Variants in SPOCK3 observed in about 807,000 individuals in gnomAD.
The protein encoded by SPOCK3 is SPARC (osteonectin), cwcv and kazal like domains proteoglycan 3, also known as testican-3.
SPOCK3 carries 30 observed loss-of-function variants against 56.6 expected under a neutral mutation model. The ratio of observed to expected loss-of-function variants is 0.53; its 90% confidence interval spans 0.40 to 0.72. The LOEUF (loss-of-function observed/expected upper bound fraction) is 0.72. Among genes scored for constraint, SPOCK3 ranks in the 30% least tolerant of loss-of-function variants. The pLI is 0.00. For synonymous variants in SPOCK3, 196 were observed against 183.3 expected (o/e 1.07, Z -0.56); for missense variants, 527 against 530.0 (o/e 0.99, Z 0.06).
chr4:166,866,949 C>T (rs775001434), intron 6 of SPOCK3, among the ~76,000 whole-genome samples: 2 of 152,008 alleles, frequency 1.3e-5, no homozygotes, highest in Non-Finnish European at 2.9e-5. Flanking sequence ...ATTTATCGTA[C>T]ACAAAACTGA....
intron 10 of SPOCK3, 104 bp from the exon 11 acceptor site, chr4:166,735,194 T>C: frequency 2.8e-6 from 2 of 718,562 alleles, no homozygotes. Flanking sequence ...TAGAAAGTAA[T>C]TTGTTTTCTA....
chr4:167,203,095 C>T (rs921672427), intron 2 of SPOCK3, among the ~76,000 whole-genome samples: 1 of 151,744 alleles, frequency 6.6e-6, no homozygotes, highest in Non-Finnish European at 1.5e-5. Context: ...CTTGACACTC[C>T]AAAATTCTTT....
chr4:167,072,638 C>T (rs1023171168), intron 2 of SPOCK3, among the ~76,000 whole-genome samples: 1 of 151,866 alleles, frequency 6.6e-6, no homozygotes, highest in African/African-American at 2.4e-5. Flanking sequence ...TAATTCTATT[C>T]TCAAATCTTA....
intron 9 of SPOCK3, 80 bp from the exon 10 acceptor site, chr4:166,737,684 T>C: frequency 1.4e-6 from 2 of 1,458,598 alleles, no homozygotes; most frequent in Non-Finnish European, 9.2e-7. Context: ...GAAGCACCCA[T>C]TATGCATTAA....
chr4:167,105,530 G>A (rs1760043106), intron 2 of SPOCK3, among the ~76,000 whole-genome samples: 2 of 135,434 alleles, frequency 1.5e-5, no homozygotes, highest in South Asian at 2.3e-4. Flanking sequence ...AAGATAGGAA[G>A]GAAGAAACCA....
Position 167,205,334 on chromosome 4 carries a change from T to A in SPOCK3, c.189+28651A>T, listed in dbSNP as rs1395259678. Among the ~76,000 whole-genome samples, 185 of 45,740 alleles carry A rather than the reference T, an allele frequency of 4.0e-3. 1 individual carries two copies. The highest frequency in any genetic ancestry group is 6.4e-3 in the African/African-American group (64 of 9,984). 30.0% of individuals were successfully genotyped at this position (45,740 alleles called of 152,430 possible). On this transcript the variant is annotated intron_variant, in intron 2 of 10. Transcript: ENST00000357545. ...ATATATTTTATATATATAATATATATTATATATTATATATATAATATATAT... is the reference window on the plus strand; with the variant it reads ...ATATATTTTATATATATAATATATAATATATATTATATATATAATATATAT...
intron 6 of SPOCK3, among the ~76,000 whole-genome samples, chr4:166,873,196 G>A (rs1359798285): frequency 6.7e-6 from 1 of 149,432 alleles, no homozygotes; most frequent in African/African-American, 2.5e-5. Context: ...AAAGAAGAGT[G>A]ATGAAGAAGT....
At position 167,116,586 on chromosome 4, in the gene SPOCK3, GTATA is replaced by G. The variant is rs1275276860; in HGVS notation, c.190-54053_190-54050del. Among the ~76,000 whole-genome samples the G allele has an allele frequency of 2.4e-5, 3 of 126,638 alleles. No individual in the cohort carries two copies. In the South Asian group the frequency reaches 7.3e-4, roughly 31 times the overall value. The allele number at this position is 126,638 out of a possible 152,430, so 83.1% of individuals were successfully genotyped here. ...TATACTTTTATACATATATAGTTTT[GTATA>G]TATATACATATATACTATATACGTA... On this transcript the variant is annotated intron_variant, in intron 2 of 10. Coordinates refer to ENST00000357545, the MANE Select transcript of SPOCK3 (RefSeq NM_001040159.2).
chr4:166,755,808 AG>A, intron 7 of SPOCK3, among the ~76,000 whole-genome samples: 1 of 96,778 alleles, frequency 1.0e-5, no homozygotes, highest in East Asian at 2.3e-4. Context: ...CTATTTTGAT[AG>A]TTTTTTTTCT....
chr4:166,808,863 G>A (rs770195044), intron 6 of SPOCK3, among the ~76,000 whole-genome samples: 35 of 152,134 alleles, frequency 2.3e-4, no homozygotes, highest in South Asian at 8.3e-4. Flanking sequence ...GAATATTTCT[G>A]TTTGATGGTG....
intron 6 of SPOCK3, among the ~76,000 whole-genome samples, chr4:166,831,483 A>G (rs1017102067): frequency 1.3e-5 from 2 of 152,144 alleles, no homozygotes; most frequent in African/African-American, 4.8e-5. Context: ...AAAAAGATAT[A>G]CGGCTATTCA....
At chr4:166,963,464 T>C (rs1471640552) in intron 4 of SPOCK3, among the ~76,000 whole-genome samples, 2 of 151,858 alleles carry the variant, frequency 1.3e-5, no homozygotes, top group African/African-American at 4.8e-5. Flanking sequence ...ATCATCATTG[T>C]TGATAATGAA....
chr4:166,774,506 G>A (rs1020994657), intron 7 of SPOCK3, among the ~76,000 whole-genome samples: 2 of 152,138 alleles, frequency 1.3e-5, no homozygotes, highest in Non-Finnish European at 2.9e-5. Context: ...AGTTTACTCT[G>A]TATTCCCAAC....
intron 6 of SPOCK3, among the ~76,000 whole-genome samples, chr4:166,852,872 G>T (rs146866892): frequency 1.1e-4 from 16 of 152,202 alleles, no homozygotes; most frequent in Non-Finnish European, 2.1e-4. Context: ...TTATTAAAAT[G>T]GTAACTGTTA....
At chr4:166,755,808 A>G (rs980704111) in intron 7 of SPOCK3, among the ~76,000 whole-genome samples, 1 of 96,690 alleles carries the variant, frequency 1.0e-5, no homozygotes, top group African/African-American at 4.9e-5. Flanking sequence ...CTATTTTGAT[A>G]GTTTTTTTTC....
At chr4:167,164,041 G>A (rs1465081685) in intron 2 of SPOCK3, among the ~76,000 whole-genome samples, 1 of 152,008 alleles carries the variant, frequency 6.6e-6, no homozygotes, top group African/African-American at 2.4e-5. Flanking sequence ...ACAATCCTAG[G>A]ATTTAAGGTT....
chr4:166,955,581 A>C (rs1311565656), intron 4 of SPOCK3, among the ~76,000 whole-genome samples: 1 of 145,246 alleles, frequency 6.9e-6, no homozygotes, highest in Non-Finnish European at 1.5e-5. Context: ...ATATAATTAA[A>C]TTATATTAAA....
chr4:167,226,420 A>C (rs1160061648), intron 2 of SPOCK3, among the ~76,000 whole-genome samples: 2 of 152,148 alleles, frequency 1.3e-5, no homozygotes, highest in Non-Finnish European at 2.9e-5. Flanking sequence ...AAGATTGATT[A>C]GGGAGGCAAA....
At chr4:166,743,962 G>A (rs1057409227) in intron 8 of SPOCK3, among the ~76,000 whole-genome samples, 8 of 152,152 alleles carry the variant, frequency 5.3e-5, no homozygotes, top group South Asian at 2.1e-4. Flanking sequence ...CAGGAAGCTC[G>A]ATCTGGGTGG....
Sources: gnomAD v4.1 joint callset for allele counts (sites outside exome capture counted in the v4.1 genomes callset) on GRCh38, gnomAD v4.1.1 for gene constraint, MANE v1.5 for transcripts, NCBI Gene and HGNC (gene_info 2026-07-23, HGNC 2026-07-21) for gene names.